The following TRAPPC9 variants were observed in gnomAD, a reference collection of about 807,000 sequenced individuals.
TRAPPC9 encodes IKK2 binding protein.
Under a neutral mutation model 124.0 loss-of-function variants are expected in TRAPPC9, and 83 were observed. The observed-to-expected ratio is 0.67, with a 90% CI of 0.56 to 0.80. TRAPPC9 has a LOEUF of 0.80. TRAPPC9 is among the 30% of genes least tolerant of loss of function. TRAPPC9 has a pLI of 0.00. For missense variants in TRAPPC9, 1,302 were observed against 1,508.3 expected (o/e 0.86, Z 2.27); for synonymous variants, 638 against 617.5 (o/e 1.03, Z -0.49).
intron 16 of TRAPPC9, among the ~76,000 whole-genome samples, chr8:140,251,733 A>T (rs1329258273): frequency 6.6e-6 from 1 of 152,126 alleles, no homozygotes; most frequent in Non-Finnish European, 1.5e-5. Flanking sequence ...CCTCTATGAG[A>T]TGAGTGCCCT....
intron 15 of TRAPPC9, among the ~76,000 whole-genome samples, chr8:140,272,081 G>T (rs1195605007): frequency 7.7e-6 from 1 of 129,098 alleles, no homozygotes; most frequent in Non-Finnish European, 1.7e-5. Context: ...TGATGGTGGT[G>T]GTTGTGTTGA....
chr8:139,950,764 CA>C (rs1834586609), intron 19 of TRAPPC9, among the ~76,000 whole-genome samples: 2 of 152,184 alleles, frequency 1.3e-5, no homozygotes, highest in African/African-American at 2.4e-5. Flanking sequence ...AAACATTCAG[CA>C]ACTGACAATT....
At position 140,360,135 on chromosome 8, in the gene TRAPPC9, G is replaced by A. The variant is rs949019525; in HGVS notation, c.1410C>T (p.Ala470=). Residue 470 remains alanine (A), a synonymous_variant, in exon 9 of 23, where the codon GCC becomes GCT. Coordinates refer to ENST00000438773, the MANE Select transcript of TRAPPC9 (RefSeq NM_001160372.4). ...GGGCAGGGTTCCCCATCCTTCGGGA[G>A]GCGTAGACCAATTCATGGAGCAAAC... ...QMRLLHELVY[A]SRRMGNPALS... 4.3e-6 allele frequency: 7 copies of A among 1,614,120 alleles called. No homozygotes were observed. Among genetic ancestry groups the A allele is most frequent in the Admixed American group, 1.7e-5 (1 of 60,014 alleles).
chr8:139,887,876 C>T (rs1587103490), intron 20 of TRAPPC9, among the ~76,000 whole-genome samples: 1 of 152,192 alleles, frequency 6.6e-6, no homozygotes, highest in Non-Finnish European at 1.5e-5. Context: ...TAAATGAACA[C>T]TAAATGAGCA....
rs2065641060 is a variant in TRAPPC9, at chr8:140,291,082, G to T, written c.1769-4C>A. Reference sequence around the variant, plus strand: ...TCTCCTTGAACCCACTGGAAATCTAGAAAATACACACACATAAATGAATCC... The same window carrying T: ...TCTCCTTGAACCCACTGGAAATCTATAAAATACACACACATAAATGAATCC... On this transcript the variant is annotated splice_region_variant and splice_polypyrimidine_tract_variant and intron_variant, in intron 11 of 22. Transcript: ENST00000438773. 1.2e-6 allele frequency: 2 copies of T among 1,613,098 alleles called. No homozygotes were observed. Among genetic ancestry groups the T allele is most frequent in the Non-Finnish European group, 1.7e-6 (2 of 1,179,058 alleles).
At chr8:139,731,336 A>C in intron 22 of TRAPPC9, 108 bp from the exon 23 acceptor site, 1 of 1,334,714 alleles carries the variant, frequency 7.5e-7, no homozygotes, top group Non-Finnish European at 1.0e-6. Context: ...GGGGGAAGCG[A>C]GGGCCGCCCA....
intron 19 of TRAPPC9, chr8:139,911,383 C>T (rs1831718952): frequency 6.6e-6 from 1 of 152,270 alleles, no homozygotes; most frequent in South Asian, 2.1e-4. Context: ...CAAACTAATA[C>T]AACAACAGAG....
rs1481330950 is a variant in TRAPPC9 at position 140,269,296 on chromosome 8, CT to C, written c.2278+6361del. 3.3e-5 allele frequency among the ~76,000 whole-genome samples: 5 copies of C among 152,166 alleles called. No homozygotes were observed. In the East Asian group the frequency reaches 9.7e-4, roughly 29 times the overall value. On this transcript the variant is annotated intron_variant, in intron 15 of 22. Coordinates refer to ENST00000438773, the MANE Select transcript of TRAPPC9 (RefSeq NM_001160372.4). The stretch of plus-strand genomic sequence containing the variant: ...GTGGCTCATGCCTGTAATCCCAGCA[CT>C]TTGGGAGACTGAGGCGGGCAGATCA...
chr8:139,822,494 G>C (rs976924021), intron 21 of TRAPPC9, among the ~76,000 whole-genome samples: 1 of 152,134 alleles, frequency 6.6e-6, no homozygotes, highest in Admixed American at 6.5e-5. Context: ...CTGGCAATCC[G>C]GGCCTGTGTA....
At chr8:140,018,889 T>C (rs1473062956) in intron 18 of TRAPPC9, among the ~76,000 whole-genome samples, 2 of 152,248 alleles carry the variant, frequency 1.3e-5, no homozygotes, top group African/African-American at 2.4e-5. Context: ...TTGTTATTCT[T>C]AGAGAAAAAG....
rs993022801 is a variant in TRAPPC9, at chr8:139,825,657, T to C, written c.3055+60222A>G. Among the ~76,000 whole-genome samples, 22 of 151,634 alleles carry C rather than the reference T, an allele frequency of 1.5e-4. No individual in the cohort carries two copies. Among genetic ancestry groups the C allele is most frequent in the Non-Finnish European group, 2.8e-4 (19 of 67,868 alleles). ...CCCGGGGGAAATTTCATGGCTCTGGTTTGTTTGCTTTGGGCCAGGGCTTCT... is the reference window on the plus strand; with the variant it reads ...CCCGGGGGAAATTTCATGGCTCTGGCTTGTTTGCTTTGGGCCAGGGCTTCT... On this transcript the variant is annotated intron_variant, in intron 21 of 22. Transcript: ENST00000438773. This position sits in a 1 kb window ranked among gnomAD's most constrained non-coding sequence, Gnocchi z 4.6.
intron 19 of TRAPPC9, among the ~76,000 whole-genome samples, chr8:139,982,751 G>A (rs533233954): frequency 2.6e-5 from 4 of 152,292 alleles, no homozygotes; most frequent in African/African-American, 4.8e-5. Flanking sequence ...ACATCCAATC[G>A]CTTCAGTATT....
chr8:140,414,056 G>C (rs890299193), intron 5 of TRAPPC9, among the ~76,000 whole-genome samples: 3 of 152,072 alleles, frequency 2.0e-5, no homozygotes, highest in Non-Finnish European at 2.9e-5. Flanking sequence ...AGGAAGGTCT[G>C]ATTCTTTTTC....
At position 139,984,057 on chromosome 8, in the gene TRAPPC9, T is replaced by C. The variant is rs1366500372; in HGVS notation, c.2810+4669A>G. On this transcript the variant is annotated intron_variant, in intron 19 of 22. Coordinates refer to ENST00000438773, the MANE Select transcript of TRAPPC9 (RefSeq NM_001160372.4). This position sits in a 1 kb window ranked among gnomAD's most constrained non-coding sequence, Gnocchi z 4.3. The stretch of plus-strand genomic sequence containing the variant: ...GCTGTTGGGGACACATTTCTATCCA[T>C]AGCTCTTGCACTGGGTGAGATGAGA... 6.6e-6 allele frequency among the ~76,000 whole-genome samples: 1 copy of C among 152,150 alleles called. No homozygotes were observed. Among genetic ancestry groups the C allele is most frequent in the Non-Finnish European group, 1.5e-5 (1 of 68,018 alleles).
intron 17 of TRAPPC9, among the ~76,000 whole-genome samples, chr8:140,126,314 G>A (rs967456967): frequency 8.7e-5 from 12 of 138,162 alleles, no homozygotes; most frequent in African/African-American, 1.7e-4. Context: ...CATCTTAACC[G>A]TGAGACACTA....
chr8:140,233,348 G>A (rs1208698175), intron 16 of TRAPPC9, among the ~76,000 whole-genome samples: 1 of 152,022 alleles, frequency 6.6e-6, no homozygotes, highest in African/African-American at 2.4e-5. Context: ...GGGATCACAG[G>A]CCTCTGCCAC....
rs750502015 is a variant in TRAPPC9, at chr8:140,300,505, C to T, written c.1732G>A (p.Ala578Thr). 1.6e-5 allele frequency: 26 copies of T among 1,614,196 alleles called. No homozygotes were observed. Among genetic ancestry groups the T allele is most frequent in the East Asian group, 2.2e-5 (1 of 44,876 alleles). ...TTCCGCTCTTCTCCACGGTTGTGTG[C>T]GATAATTGGTGAATAGATGAAAGGA... is the stretch of plus-strand genomic sequence containing the variant. Reference protein sequence around the residue: ...KSPFIYSPIIAHNRGEERNKK... With the variant: ...KSPFIYSPIITHNRGEERNKK... Residue 578 changes from alanine (A) to threonine (T), a missense_variant, in exon 11 of 23, where the codon GCA becomes ACA. Ala to Thr is a moderately conservative substitution (Grantham distance 58). This residue lies in a region of TRAPPC9 where 657 missense variants were observed against 811.2 expected (regional missense o/e 0.81). Transcript: ENST00000438773.
At chr8:139,909,352 C>T (rs543416185) in intron 20 of TRAPPC9, among the ~76,000 whole-genome samples, 2 of 152,206 alleles carry the variant, frequency 1.3e-5, no homozygotes, top group Non-Finnish European at 2.9e-5. Flanking sequence ...CTCTATGAAG[C>T]CTTCCTTGAA....
At chr8:139,887,178 G>T (rs1005019879) in intron 20 of TRAPPC9, among the ~76,000 whole-genome samples, 1 of 151,900 alleles carries the variant, frequency 6.6e-6, no homozygotes, top group Non-Finnish European at 1.5e-5. Context: ...CTGCCCTGGG[G>T]GCTCGGGAAC....
Sources: gnomAD v4.1 joint callset for allele counts (sites outside exome capture counted in the v4.1 genomes callset) on GRCh38, gnomAD v4.1.1 for gene constraint, gnomAD v4.1.1 regional missense constraint, Gnocchi (gnomAD v3.1) non-coding constraint, MANE v1.5 for transcripts, NCBI Gene and HGNC (gene_info 2026-07-23, HGNC 2026-07-21) for gene names.